The following MAD1L1 variants were observed in gnomAD, a reference collection of about 807,000 sequenced individuals.
MAD1L1 encodes mitotic arrest deficient 1 like 1.
MAD1L1 carries 95 observed loss-of-function variants against 96.9 expected under a neutral mutation model. The observed-to-expected ratio is 0.98, with a 90% confidence interval of 0.83 to 1.16. The LOEUF (loss-of-function observed/expected upper bound fraction) is 1.16. Among genes scored for constraint, MAD1L1 ranks in the 50% most tolerant of loss-of-function variants. The probability of loss-of-function intolerance (pLI) is 0.00; values close to 1 mark genes in which losing one functional copy is unlikely to be tolerated. For synonymous variants in MAD1L1, 473 were observed against 396.6 expected, an observed-to-expected ratio of 1.19 and a Z score of -2.29; for missense variants, 1,007 against 954.4, an observed-to-expected ratio of 1.06 and a Z score of -0.73.
chr7:2,216,415 A>C, intron 7 of MAD1L1, 128 bp from the exon 8 acceptor site: 9 of 900,696 alleles, frequency 1.0e-5, no homozygotes, highest in Non-Finnish European at 1.3e-5. Flanking sequence ...GGATCCAACC[A>C]CAGGACGTTC....
intron 11 of MAD1L1, chr7:2,148,782 G>A (rs750764169): frequency 2.5e-5 from 7 of 279,880 alleles, no homozygotes; most frequent in Non-Finnish European, 4.8e-5. Flanking sequence ...AAGACTCAGG[G>A]TGGGCCCGCT....
intron 11 of MAD1L1, among the ~76,000 whole-genome samples, chr7:2,136,588 C>T (rs547822307): frequency 1.4e-4 from 22 of 152,322 alleles, no homozygotes; most frequent in Admixed American, 2.6e-4. Context: ...ACCAAGTGCA[C>T]TCACCTGCCC....
At chr7:2,071,632 G>A (rs763517952) in intron 11 of MAD1L1, among the ~76,000 whole-genome samples, 16 of 152,232 alleles carry the variant, frequency 1.1e-4, no homozygotes, top group Admixed American at 2.0e-4. Context: ...CCCTAAGCTG[G>A]GGAAGGAGAG....
chr7:1,949,353 A>G (rs890081969), intron 16 of MAD1L1, among the ~76,000 whole-genome samples: 5 of 152,200 alleles, frequency 3.3e-5, no homozygotes, highest in Admixed American at 2.6e-4. Context: ...GGACCCGCGC[A>G]GTGAAACCAA....
intron 11 of MAD1L1, among the ~76,000 whole-genome samples, chr7:2,137,184 C>T (rs1788794458): frequency 6.6e-6 from 1 of 152,212 alleles, no homozygotes; most frequent in Non-Finnish European, 1.5e-5. Context: ...GGGACCAACC[C>T]CAGCAAGGGC....
At chr7:2,012,697 G>A (rs912826766) in intron 13 of MAD1L1, among the ~76,000 whole-genome samples, 3 of 152,208 alleles carry the variant, frequency 2.0e-5, no homozygotes, top group Admixed American at 6.5e-5. Flanking sequence ...CTTGTCAAGC[G>A]TGGTGGTGGT....
At chr7:2,008,972 G>T (rs1417944594) in intron 13 of MAD1L1, among the ~76,000 whole-genome samples, 1 of 152,204 alleles carries the variant, frequency 6.6e-6, no homozygotes, top group Admixed American at 6.5e-5. Flanking sequence ...TGGGGAGAGG[G>T]TTTCATCACA....
rs532151188 is a variant in MAD1L1, at chr7:1,954,775, G to A, written c.1596+2854C>T. Among the ~76,000 whole-genome samples the A allele has an allele frequency of 3.3e-3, 497 of 152,282 alleles. 2 individuals are homozygous for A. The highest frequency in any genetic ancestry group is 0.01 in the Middle Eastern group (3 of 294). ...GGCCTCACTTTCCCCATCTAGAGAG[G>A]GGGCGCCAGAAGCCCGGCCAGCCAC... On this transcript the variant is annotated intron_variant, in intron 16 of 18. Transcript: ENST00000265854.
chr7:2,232,578 C>A (rs1192789946), intron 1 of MAD1L1, among the ~76,000 whole-genome samples: 1 of 152,206 alleles, frequency 6.6e-6, no homozygotes, highest in African/African-American at 2.4e-5. Flanking sequence ...CGCCCCTCGG[C>A]CGCCCGCCCT....
At chr7:2,112,991 G>A (rs564816469) in intron 11 of MAD1L1, among the ~76,000 whole-genome samples, 4 of 152,198 alleles carry the variant, frequency 2.6e-5, no homozygotes, top group Admixed American at 6.5e-5. Context: ...ACTGGGTCAC[G>A]GCCGTGAAGT....
At chr7:1,954,421 C>T (rs1473180142) in intron 16 of MAD1L1, among the ~76,000 whole-genome samples, 5 of 152,020 alleles carry the variant, frequency 3.3e-5, no homozygotes, top group Middle Eastern at 3.2e-3. Flanking sequence ...AGAGGGCAGC[C>T]GGGAGCCAGA....
At chr7:1,853,406 G>A (rs1332156103) in intron 18 of MAD1L1, among the ~76,000 whole-genome samples, 2 of 152,156 alleles carry the variant, frequency 1.3e-5, no homozygotes, top group Admixed American at 6.5e-5. Context: ...GGACGCACAC[G>A]GCAGCCCTGC....
Position 1,886,554 on chromosome 7 carries a change from G to A in MAD1L1, c.1998+11646C>T, listed in dbSNP as rs1024984765. Among the ~76,000 whole-genome samples the A allele has an allele frequency of 9.9e-5, 15 of 152,228 alleles. No individual in the cohort carries two copies. The East Asian group carries it at 2.7e-3, about 28-fold the overall frequency. ...AGCACGGTGGCACGGGCGGGAGAGGGCCCACCTGGGGCTCGCACACCACAC... is the reference window on the plus strand; with the variant it reads ...AGCACGGTGGCACGGGCGGGAGAGGACCCACCTGGGGCTCGCACACCACAC... On this transcript the variant is annotated intron_variant, in intron 18 of 18. Coordinates refer to ENST00000265854, the MANE Select transcript of MAD1L1 (RefSeq NM_001013836.2).
intron 18 of MAD1L1, among the ~76,000 whole-genome samples, chr7:1,886,192 C>G (rs961267859): frequency 4.6e-5 from 7 of 152,218 alleles, no homozygotes; most frequent in African/African-American, 1.4e-4. Context: ...TGGCACAGGG[C>G]TAGTCACTGT....
chr7:1,926,236 A>G (rs1240243095), intron 17 of MAD1L1, among the ~76,000 whole-genome samples: 1 of 152,218 alleles, frequency 6.6e-6, no homozygotes, highest in Non-Finnish European at 1.5e-5. Context: ...GAAAGAACTC[A>G]CTATTCCTGT....
At chr7:2,214,434 G>A (rs934898605) in intron 9 of MAD1L1, among the ~76,000 whole-genome samples, 11 of 152,294 alleles carry the variant, frequency 7.2e-5, no homozygotes, top group South Asian at 2.1e-4. Context: ...GCCCCAAAAC[G>A]ACCTTGGCTG....
chr7:2,218,583 C>T (rs1348770531), intron 6 of MAD1L1, among the ~76,000 whole-genome samples: 1 of 152,164 alleles, frequency 6.6e-6, no homozygotes, highest in East Asian at 1.9e-4. Flanking sequence ...CACGCCCCCT[C>T]CACCTCCAAG....
chr7:2,218,085 G>A (rs761914101), intron 6 of MAD1L1, 42 bp from the exon 7 acceptor site: 33 of 1,479,692 alleles, frequency 2.2e-5, no homozygotes, highest in Admixed American at 2.0e-4. Flanking sequence ...ACAGGCATGC[G>A]GCAAGGCCAA....
chr7:1,989,522 G>C (rs1211114894), intron 14 of MAD1L1, among the ~76,000 whole-genome samples: 1 of 152,258 alleles, frequency 6.6e-6, no homozygotes, highest in African/African-American at 2.4e-5. Context: ...CCTCACCCTG[G>C]AAGACGGAGC....
Sources: allele counts gnomAD v4.1 joint callset (sites outside exome capture counted in the v4.1 genomes callset), GRCh38; gene constraint gnomAD v4.1.1; transcripts MANE v1.5; gene names NCBI Gene and HGNC (gene_info 2026-07-23, HGNC 2026-07-21).